The following ACO1 variants were observed in gnomAD, a reference collection of about 807,000 sequenced individuals.
ACO1 encodes aconitase 1, also known as cytoplasmic aconitate hydratase.
Under a neutral mutation model 105.1 loss-of-function variants are expected in ACO1, and 78 were observed. That is an observed-to-expected ratio of 0.74 (90% confidence interval 0.62 to 0.90). The LOEUF is 0.90. Ranked by LOEUF, ACO1 falls within the 40% of genes least tolerant of loss-of-function variation. The probability of loss-of-function intolerance (pLI) is 0.00; values close to 1 mark genes in which losing one functional copy is unlikely to be tolerated. For synonymous variants in ACO1, 364 were observed against 397.4 expected, an observed-to-expected ratio of 0.92 and a Z score of 1.00; for missense variants, 965 against 1,111.1, an observed-to-expected ratio of 0.87 and a Z score of 1.87.
Position 32,453,284 on chromosome 9 carries a change from G to A in ACO1, c.*3173G>A, listed in dbSNP as rs1822808271. ...ACACCAGATTTTTATGGTACATAGG[G>A]AGTAATCTAGGGAAAAGATATATTA... On this transcript the variant is annotated 3_prime_UTR_variant, in exon 21 of 21. Coordinates refer to ENST00000309951, the MANE Select transcript of ACO1 (RefSeq NM_002197.3). The A allele has an allele frequency of 6.6e-6, 1 of 151,310 alleles. No homozygotes were observed. Among genetic ancestry groups the A allele is most frequent in the South Asian group, 2.1e-4 (1 of 4,784 alleles). 9.4% of individuals were successfully genotyped at this position (151,310 alleles called of 1,614,324 possible).
chr9:32,405,430 T>A (rs1372288778), intron 1 of ACO1, 55 bp from the exon 2 acceptor site: 1 of 1,065,600 alleles, frequency 9.4e-7, no homozygotes, highest in Non-Finnish European at 1.4e-6. Context: ...CAGTCCTGAT[T>A]TCTAGGTCCC....
chr9:32,430,629 CTAG>C, intron 14 of ACO1, 55 bp downstream of exon 14: 1 of 1,521,810 alleles, frequency 6.6e-7, no homozygotes, highest in Non-Finnish European at 8.9e-7. Flanking sequence ...AGAAATATTA[CTAG>C]AAGAAACTGC....
intron 1 of ACO1, among the ~76,000 whole-genome samples, chr9:32,399,714 G>A (rs1821447080): frequency 6.6e-6 from 1 of 151,896 alleles, no homozygotes; most frequent in Non-Finnish European, 1.5e-5. Context: ...AGTTTAAAGT[G>A]CTGTAAAATA....
At chr9:32,406,669 G>A (rs150762883) in intron 2 of ACO1, among the ~76,000 whole-genome samples, 257 of 152,330 alleles carry the variant, frequency 1.7e-3, no homozygotes, top group African/African-American at 5.9e-3. Context: ...GACTGATGGT[G>A]AGATGTGATG....
At chr9:32,410,390 C>G (rs1378855159) in intron 4 of ACO1, among the ~76,000 whole-genome samples, 1 of 151,888 alleles carries the variant, frequency 6.6e-6, no homozygotes, top group South Asian at 2.1e-4. Flanking sequence ...AACCCCATCT[C>G]TACTAAAAAT....
At chr9:32,390,525 ATCTTCTTT>A (rs1422908117) in intron 1 of ACO1, among the ~76,000 whole-genome samples, 5 of 152,248 alleles carry the variant, frequency 3.3e-5, no homozygotes, top group Non-Finnish European at 5.9e-5. Context: ...ATGTGTGCCT[ATCTTCTTT>A]TCCTCTATGG....
rs570232422 is a variant in ACO1 at position 32,439,710 on chromosome 9, T to A, written c.2248-755T>A. Among the ~76,000 whole-genome samples the A allele has an allele frequency of 1.8e-4, 27 of 152,356 alleles. No individual in the cohort carries two copies. Among genetic ancestry groups the A allele is most frequent in the Non-Finnish European group, 3.7e-4 (25 of 68,038 alleles). ...CATGAAGAAAGGGGACTGATAAAAG[T>A]TTGCACTTTATATAATTTCAGAACA... On this transcript the variant is annotated intron_variant, in intron 18 of 20. Coordinates refer to ENST00000309951, the MANE Select transcript of ACO1 (RefSeq NM_002197.3). The surrounding 1 kb of genome is among the most constrained non-coding windows in gnomAD (Gnocchi z 4.0).
chr9:32,427,049 A>C (rs1822115329), intron 11 of ACO1, among the ~76,000 whole-genome samples: 2 of 152,224 alleles, frequency 1.3e-5, no homozygotes, highest in Admixed American at 1.3e-4. Context: ...TTTAAAAAAA[A>C]AGTAAGCAAA....
At chr9:32,417,642 T>C (rs906219539) in intron 4 of ACO1, among the ~76,000 whole-genome samples, 9 of 152,196 alleles carry the variant, frequency 5.9e-5, no homozygotes, top group Non-Finnish European at 1.2e-4. Context: ...ACACAGGAGA[T>C]TGTGATTCTA....
chr9:32,424,227 A>G lies in ACO1; in HGVS notation c.1072-322A>G, dbSNP rs534614100. Among the ~76,000 whole-genome samples the G allele has an allele frequency of 1.3e-3, 197 of 152,326 alleles. 1 individual carries two copies. Among genetic ancestry groups the G allele is most frequent in the African/African-American group, 4.4e-3 (184 of 41,576 alleles). ...AACCCACCTTCGGCCTAACTTAGCC[A>G]TATAAAACGCGATGAGCTGCCTCCA... On this transcript the variant is annotated intron_variant, in intron 9 of 20. Transcript: ENST00000309951.
intron 1 of ACO1, among the ~76,000 whole-genome samples, chr9:32,394,028 A>G (rs995976336): frequency 3.9e-5 from 6 of 152,142 alleles, no homozygotes; most frequent in African/African-American, 9.7e-5. Flanking sequence ...TAAAAATTCA[A>G]ACTTTGCAGC....
chr9:32,433,654 A>G, intron 15 of ACO1, 74 bp from the exon 16 acceptor site: 1 of 1,104,682 alleles, frequency 9.1e-7, no homozygotes, highest in Non-Finnish European at 1.3e-6. Context: ...GCTTGAATGT[A>G]TGTTTTGTGT....
chr9:32,421,174 G>A (rs1821967150), intron 8 of ACO1, 147 bp downstream of exon 8: 2 of 878,230 alleles, frequency 2.3e-6, no homozygotes, highest in Non-Finnish European at 3.4e-6. Flanking sequence ...GTCAAAATGG[G>A]TTTTTGGGAT....
rs942915723 is a variant in ACO1, at chr9:32,439,295, T to C, written c.2248-1170T>C. ...TAGAAGAAGGTTTTCACTGTTTCTATGACAGTTTCTATATTTACGAGTTCT... is the reference window on the plus strand; with the variant it reads ...TAGAAGAAGGTTTTCACTGTTTCTACGACAGTTTCTATATTTACGAGTTCT... On this transcript the variant is annotated intron_variant, in intron 18 of 20. Transcript: ENST00000309951. The surrounding 1 kb of genome is among the most constrained non-coding windows in gnomAD (Gnocchi z 4.0). 6.6e-6 allele frequency among the ~76,000 whole-genome samples: 1 copy of C among 152,246 alleles called. No individual in the cohort carries two copies. Among genetic ancestry groups the C allele is most frequent in the South Asian group, 2.1e-4 (1 of 4,836 alleles).
At chr9:32,395,100 A>G (rs534363747) in intron 1 of ACO1, among the ~76,000 whole-genome samples, 7 of 152,226 alleles carry the variant, frequency 4.6e-5, no homozygotes, top group Non-Finnish European at 8.8e-5. Context: ...TTTCTTAAAG[A>G]TTGGATCTCA....
chr9:32,389,658 G>C (rs2118325354), intron 1 of ACO1, among the ~76,000 whole-genome samples: 1 of 138,568 alleles, frequency 7.2e-6, no homozygotes, highest in Non-Finnish European at 1.5e-5. Flanking sequence ...TAGATCGACT[G>C]GCCTTCATTT....
At chr9:32,440,088 G>GA (rs1822443144) in intron 18 of ACO1, among the ~76,000 whole-genome samples, 1 of 152,068 alleles carries the variant, frequency 6.6e-6, no homozygotes, top group African/African-American at 2.4e-5. Flanking sequence ...CCAACATGGT[G>GA]AAACCCCATC....
intron 1 of ACO1, among the ~76,000 whole-genome samples, chr9:32,400,423 A>G (rs944784291): frequency 2.0e-5 from 3 of 152,272 alleles, no homozygotes; most frequent in South Asian, 4.1e-4. Context: ...TTTGACTTGA[A>G]TGAGGTGTGG....
At chr9:32,422,027 T>G (rs1382409782) in intron 8 of ACO1, among the ~76,000 whole-genome samples, 4 of 152,260 alleles carry the variant, frequency 2.6e-5, no homozygotes, top group Non-Finnish European at 4.4e-5. Context: ...GATTAATACA[T>G]CTTTGTTCTC....
Sources: allele counts gnomAD v4.1 joint callset (sites outside exome capture counted in the v4.1 genomes callset), GRCh38; gene constraint gnomAD v4.1.1; non-coding constraint Gnocchi (gnomAD v3.1); transcripts MANE v1.5; gene names NCBI Gene and HGNC (gene_info 2026-07-23, HGNC 2026-07-21).